Variants in NHSL2 observed in about 807,000 individuals in gnomAD.
NHSL2 encodes NHS-like protein 2.
In NHSL2, 27 loss-of-function variants were observed where a neutral mutation model predicts 53.4. The observed-to-expected ratio is 0.51, with a 90% CI of 0.37 to 0.70. NHSL2 has a LOEUF of 0.70. Ranked by LOEUF, NHSL2 falls within the 30% of genes least tolerant of loss-of-function variation. NHSL2 has a pLI of 0.00. For synonymous variants in NHSL2, 408 were observed against 404.1 expected, an observed-to-expected ratio of 1.01 and a Z score of -0.12; for missense variants, 892 against 980.1, an observed-to-expected ratio of 0.91 and a Z score of 1.20.
chrX:72,074,400 GA>G (rs777637188), intron 1 of NHSL2, among the ~76,000 whole-genome samples: 154 of 112,345 alleles, frequency 1.4e-3, no homozygotes, highest in Non-Finnish European at 2.4e-3. Flanking sequence ...TCTTCCTAAA[GA>G]CCTATTTTCT....
At position 72,147,785 on chromosome X, in the gene NHSL2, G is replaced by T. The variant is rs1047561081; in HGVS notation, c.*4211G>T. 1.8e-5 allele frequency: 2 copies of T among 111,681 alleles called. No homozygotes were observed. Among genetic ancestry groups the T allele is most frequent in the Non-Finnish European group, 3.8e-5 (2 of 53,200 alleles). 9.2% of individuals were successfully genotyped at this position (111,681 alleles called of 1,213,427 possible). The stretch of plus-strand genomic sequence containing the variant: ...TTCCTTCTCCTCCTAAGAAAAACCT[G>T]CTCTCAGGAAAGGGATAAATTCATT... On this transcript the variant is annotated 3_prime_UTR_variant, in exon 8 of 8. Coordinates refer to ENST00000633930, the MANE Select transcript of NHSL2 (RefSeq NM_001013627.3).
chrX:72,075,295 G>A (rs765143890), intron 1 of NHSL2, among the ~76,000 whole-genome samples: 2 of 112,311 alleles, frequency 1.8e-5, no homozygotes, highest in Non-Finnish European at 3.8e-5. Flanking sequence ...CTTGTGAAGT[G>A]TAAAATGCTG....
At chrX:72,056,578 ACG>A (rs1166211883) in intron 1 of NHSL2, among the ~76,000 whole-genome samples, 2 of 111,410 alleles carry the variant, frequency 1.8e-5, no homozygotes, top group African/African-American at 6.6e-5. Flanking sequence ...ACACACACAC[ACG>A]CTCACACACA....
At chrX:72,053,561 T>C (rs1314046915) in intron 1 of NHSL2, among the ~76,000 whole-genome samples, 1 of 111,815 alleles carries the variant, frequency 8.9e-6, no homozygotes, top group African/African-American at 3.3e-5. Flanking sequence ...TTGCTGAGAA[T>C]GAGGCTGAAG....
Position 72,032,117 on chromosome X carries a change from C to A in NHSL2, c.281-99962C>A, listed in dbSNP as rs184088006. Among the ~76,000 whole-genome samples, 8 of 110,621 alleles carry A rather than the reference C, an allele frequency of 7.2e-5. No individual in the cohort carries two copies. The Admixed American group carries it at 7.6e-4, about 11-fold the overall frequency. The stretch of plus-strand genomic sequence containing the variant: ...AAAAAAAAAAAAAAAATAAGCCAGG[C>A]GCGGTGGTTCATGCCTGTAATCCCA... On this transcript the variant is annotated intron_variant, in intron 1 of 7. Coordinates refer to ENST00000633930, the MANE Select transcript of NHSL2 (RefSeq NM_001013627.3).
intron 1 of NHSL2, among the ~76,000 whole-genome samples, chrX:72,048,853 G>C (rs1210788337): frequency 9.1e-6 from 1 of 109,806 alleles, no homozygotes; most frequent in Non-Finnish European, 1.9e-5. Flanking sequence ...GCCAGGCACA[G>C]TGGCTCATGC....
intron 1 of NHSL2, among the ~76,000 whole-genome samples, chrX:72,053,446 A>G (rs995909029): frequency 1.8e-5 from 2 of 112,055 alleles, no homozygotes; most frequent in Non-Finnish European, 3.8e-5. Context: ...AGAGGTACAG[A>G]TGAACTTTTC....
intron 2 of NHSL2, 50 bp from the exon 3 acceptor site, chrX:72,134,041 G>A (rs1032871334): frequency 5.6e-5 from 64 of 1,147,242 alleles, no homozygotes; most frequent in African/African-American, 7.2e-5. Flanking sequence ...CCGGCCCAGC[G>A]CTCGGCCATG....
At chrX:72,011,158 T>C (rs2042113936) in intron 1 of NHSL2, among the ~76,000 whole-genome samples, 1 of 112,113 alleles carries the variant, frequency 8.9e-6, no homozygotes. Context: ...TGCCGAGTAG[T>C]CTTCCATGGC....
At chrX:71,963,922 C>G (rs2041879736) in intron 1 of NHSL2, among the ~76,000 whole-genome samples, 3 of 87,877 alleles carry the variant, frequency 3.4e-5, no homozygotes, top group South Asian at 5.9e-4. Flanking sequence ...GACCTTGTCT[C>G]TAAAAAGAAA....
rs2042529867 is a variant in NHSL2, at chrX:72,153,237, AGCTAGAGCTGTTTGTGTCTTCT to A, written c.*9664_*9685del. The A allele has an allele frequency of 8.9e-6, 1 of 112,279 alleles. No homozygotes were observed. Among genetic ancestry groups the A allele is most frequent in the African/African-American group, 3.2e-5 (1 of 30,933 alleles). The allele number at this position is 112,279 out of a possible 1,213,427, so 9.3% of individuals were successfully genotyped here. On this transcript the variant is annotated 3_prime_UTR_variant, in exon 8 of 8. Coordinates refer to ENST00000633930, the MANE Select transcript of NHSL2 (RefSeq NM_001013627.3). The stretch of plus-strand genomic sequence containing the variant: ...AGCAATTGAACTGTATTCTTTATAT[AGCTAGAGCTGTTTGTGTCTTCT>A]TAAAATAAACTTTTTCTGTTAAAAT...
intron 1 of NHSL2, among the ~76,000 whole-genome samples, chrX:72,053,786 C>T (rs776032540): frequency 9.0e-6 from 1 of 111,696 alleles, no homozygotes; most frequent in East Asian, 2.8e-4. Context: ...GTAATACGCT[C>T]CTCATTTTGG....
chrX:72,070,245 C>A (rs2042459774), intron 1 of NHSL2, among the ~76,000 whole-genome samples: 1 of 102,089 alleles, frequency 9.8e-6, no homozygotes, highest in African/African-American at 3.6e-5. Flanking sequence ...ATGGAATGAT[C>A]CAGACAAATC....
At position 71,984,048 on chromosome X, in the gene NHSL2, G is replaced by T. The variant is rs778095601; in HGVS notation, c.280+72681G>T. On this transcript the variant is annotated intron_variant, in intron 1 of 7. Coordinates refer to ENST00000633930, the MANE Select transcript of NHSL2 (RefSeq NM_001013627.3). Reference sequence around the variant, plus strand: ...CCCCTATTCAAGATGGAGTTGCTGTGGTTCAAACACCTCTGACATTTCCCC... The same window carrying T: ...CCCCTATTCAAGATGGAGTTGCTGTTGTTCAAACACCTCTGACATTTCCCC... Among the ~76,000 whole-genome samples the T allele has an allele frequency of 1.2e-4, 13 of 111,353 alleles. No homozygotes were observed. In the South Asian group the frequency reaches 5.0e-3, roughly 43 times the overall value.
In NHSL2 at chrX:72,140,633, C is replaced by G. The variant is rs1228229491; in HGVS notation, c.3085C>G (p.Pro1029Ala). Residue 1029 changes from proline to alanine, a missense_variant, in exon 6 of 8, where the codon CCA becomes GCA. By Grantham distance (27) the Pro-to-Ala change is conservative. Coordinates refer to ENST00000633930, the MANE Select transcript of NHSL2 (RefSeq NM_001013627.3). ...TAQMEAYVAE[P>A]RLPLSPIITL... ...TCAAATGGAGGCCTATGTGGCAGAACCAAGGCTGCCTCTCAGCCCCATCAT... is the reference window on the plus strand; with the variant it reads ...TCAAATGGAGGCCTATGTGGCAGAAGCAAGGCTGCCTCTCAGCCCCATCAT... The G allele has an allele frequency of 9.9e-6, 12 of 1,210,734 alleles. No homozygotes were observed. The South Asian group carries it at 1.8e-4, about 18-fold the overall frequency.
chrX:72,087,136 A>G (rs746452208), intron 1 of NHSL2, among the ~76,000 whole-genome samples: 2 of 112,651 alleles, frequency 1.8e-5, no homozygotes, highest in East Asian at 5.5e-4. Context: ...GTAGAGAAAT[A>G]AAATTTGGGA....
intron 1 of NHSL2, among the ~76,000 whole-genome samples, chrX:71,987,308 C>CTAG (rs1211993849): frequency 1.8e-5 from 2 of 112,545 alleles, no homozygotes; most frequent in African/African-American, 6.5e-5. Context: ...AAAAGCTTGG[C>CTAG]TAGTAAGCCA....
intron 1 of NHSL2, 85 bp downstream of exon 1, chrX:71,911,452 C>A: frequency 1.3e-6 from 1 of 798,055 alleles, no homozygotes; most frequent in African/African-American, 2.2e-5. Context: ...TGTGCCCACC[C>A]TCTCCCCGCC....
At chrX:71,975,285 C>A (rs1170724662) in intron 1 of NHSL2, among the ~76,000 whole-genome samples, 1 of 112,006 alleles carries the variant, frequency 8.9e-6, no homozygotes, top group Non-Finnish European at 1.9e-5. Context: ...CATTCATACA[C>A]CCATTTTTAT....
Sources: allele counts gnomAD v4.1 joint callset (sites outside exome capture counted in the v4.1 genomes callset), GRCh38; gene constraint gnomAD v4.1.1; transcripts MANE v1.5; gene names NCBI Gene and HGNC (gene_info 2026-07-23, HGNC 2026-07-21).